The following DLEU7 variants were observed in gnomAD, a reference collection of about 807,000 sequenced individuals.
DLEU7 encodes the protein leukemia-associated protein 7.
A neutral mutation model predicts 16.0 loss-of-function variants in DLEU7; 17 were observed. The ratio of observed to expected loss-of-function variants is 1.06; its 90% CI spans 0.73 to 1.59. The LOEUF is 1.59. DLEU7 is among the 40% of genes most tolerant of loss of function. The pLI is 0.00. For missense variants in DLEU7, 308 were observed against 314.9 expected, an observed-to-expected ratio of 0.98 and a Z score of 0.17; for synonymous variants, 113 against 139.8, an observed-to-expected ratio of 0.81 and a Z score of 1.35.
chr13:50,770,098 T>G (rs1243406655), intron 1 of DLEU7, among the ~76,000 whole-genome samples: 1 of 152,194 alleles, frequency 6.6e-6, no homozygotes, highest in African/African-American at 2.4e-5. Context: ...ATAGGAATGC[T>G]TGTGATTTTT....
At chr13:50,786,789 A>G (rs1875804383) in intron 1 of DLEU7, among the ~76,000 whole-genome samples, 2 of 152,212 alleles carry the variant, frequency 1.3e-5, no homozygotes, top group Admixed American at 1.3e-4. Context: ...GCATCTGAGG[A>G]GTAAGGATAT....
chr13:50,799,292 G>T (rs1876185774), intron 1 of DLEU7, among the ~76,000 whole-genome samples: 1 of 152,140 alleles, frequency 6.6e-6, no homozygotes, highest in Non-Finnish European at 1.5e-5. Flanking sequence ...TTAATGCATT[G>T]ATACAATCCT....
rs58395582 is a variant in DLEU7, at chr13:50,732,606, C to CAAAAAAAAAAAAAAAA, written c.460-19382_460-19367dup. Among the ~76,000 whole-genome samples, 9 of 65,932 alleles carry CAAAAAAAAAAAAAAAA rather than the reference C, an allele frequency of 1.4e-4. 1 individual carries two copies. The highest frequency in any genetic ancestry group is 2.1e-4 in the African/African-American group (3 of 14,082). The allele number at this position is 65,932 out of a possible 152,430, so 43.3% of individuals were successfully genotyped here. A position where few individuals can be genotyped will look rare whatever the true frequency, so the allele number is the denominator to read the frequency against. ...CAGGCAACAGTATGAGACTCCATCT[C>CAAAAAAAAAAAAAAAA]AAAAAAAAAAAAAAAAAAAAGCTTA... is the stretch of plus-strand genomic sequence containing the variant. On this transcript the variant is annotated intron_variant, in intron 1 of 1. Transcript: ENST00000400393.
chr13:50,750,527 G>A (rs1203347347), intron 1 of DLEU7, among the ~76,000 whole-genome samples: 4 of 152,166 alleles, frequency 2.6e-5, no homozygotes, highest in African/African-American at 9.7e-5. Context: ...GCTTTTGGCA[G>A]TATGGTCATT....
At chr13:50,744,771 A>G (rs568946322) in intron 1 of DLEU7, among the ~76,000 whole-genome samples, 3 of 152,348 alleles carry the variant, frequency 2.0e-5, no homozygotes, top group Non-Finnish European at 4.4e-5. Context: ...ACTTGAATAG[A>G]CATTTCTCCA....
chr13:50,732,357 T>TCCC (rs1402312087), intron 1 of DLEU7, among the ~76,000 whole-genome samples: 1 of 152,088 alleles, frequency 6.6e-6, no homozygotes, highest in African/African-American at 2.4e-5. Flanking sequence ...ACGCCTGTAA[T>TCCC]CCCAGCACTT....
intron 1 of DLEU7, among the ~76,000 whole-genome samples, chr13:50,747,374 C>G (rs61962352): frequency 6.2e-4 from 88 of 141,196 alleles, no homozygotes; most frequent in Middle Eastern, 3.8e-3. Context: ...GTGTGTGTGA[C>G]AGAGAGGGAG....
At chr13:50,733,289 C>G (rs571064548) in intron 1 of DLEU7, among the ~76,000 whole-genome samples, 11 of 152,274 alleles carry the variant, frequency 7.2e-5, no homozygotes, top group South Asian at 4.1e-4. Context: ...TTTTAACCAG[C>G]CTGAGAACCA....
At chr13:50,814,400 A>G (rs1876661217) in intron 1 of DLEU7, among the ~76,000 whole-genome samples, 1 of 152,176 alleles carries the variant, frequency 6.6e-6, no homozygotes, top group South Asian at 2.1e-4. Context: ...AGAGGAACTA[A>G]AGAGTCTAGT....
chr13:50,785,313 G>T (rs1487115290), intron 1 of DLEU7, among the ~76,000 whole-genome samples: 1 of 152,194 alleles, frequency 6.6e-6, no homozygotes, highest in Non-Finnish European at 1.5e-5. Flanking sequence ...GATTAAATCA[G>T]AAGATGTGAC....
chr13:50,814,524 C>A (rs535151169), intron 1 of DLEU7, among the ~76,000 whole-genome samples: 1 of 151,614 alleles, frequency 6.6e-6, no homozygotes, highest in South Asian at 2.1e-4. Flanking sequence ...TAGTTACAAT[C>A]CAATTGTAAG....
intron 1 of DLEU7, among the ~76,000 whole-genome samples, chr13:50,788,991 C>T (rs1051148198): frequency 6.6e-6 from 1 of 152,054 alleles, no homozygotes; most frequent in African/African-American, 2.4e-5. Flanking sequence ...GTTTATTTTC[C>T]CTCTGTATGG....
At chr13:50,843,760 G>A (rs1221710178), upstream of DLEU7, 3 of 1,372,192 alleles carry the variant, frequency 2.2e-6, no homozygotes, top group African/African-American at 3.1e-5. The surrounding 1 kb of genome is among the most constrained non-coding windows in gnomAD (Gnocchi z 5.7). Context: ...CTCGGCCTCT[G>A]GGTCTCACAG....
At chr13:50,741,672 G>C (rs1204195512) in intron 1 of DLEU7, among the ~76,000 whole-genome samples, 2 of 152,054 alleles carry the variant, frequency 1.3e-5, no homozygotes, top group African/African-American at 4.8e-5. Context: ...TCCTACCTTA[G>C]CTTTTTAATA....
At chr13:50,760,840 A>G (rs1194238829) in intron 1 of DLEU7, among the ~76,000 whole-genome samples, 1 of 152,120 alleles carries the variant, frequency 6.6e-6, no homozygotes, top group Non-Finnish European at 1.5e-5. Flanking sequence ...TAAGCCTGAA[A>G]TCTTGATGGC....
At chr13:50,725,687 GA>G in intron 1 of DLEU7, among the ~76,000 whole-genome samples, 1 of 152,300 alleles carries the variant, frequency 6.6e-6, no homozygotes. Flanking sequence ...GGGGGCATGG[GA>G]GGGGAAGGAG....
intron 1 of DLEU7, among the ~76,000 whole-genome samples, chr13:50,786,978 T>C (rs531027661): frequency 6.6e-6 from 1 of 152,276 alleles, no homozygotes; most frequent in Admixed American, 6.5e-5. Context: ...CCTTGGAACT[T>C]TAATCAAAGT....
chr13:50,774,957 A>G (rs549589593), intron 1 of DLEU7, among the ~76,000 whole-genome samples: 31 of 152,170 alleles, frequency 2.0e-4, no homozygotes, highest in African/African-American at 7.5e-4. Flanking sequence ...CGATTTACAT[A>G]TCATTTCTGA....
At position 50,843,415 on chromosome 13, in the gene DLEU7, G is replaced by T; in HGVS notation, c.232C>A (p.Arg78=). 1 of 1,317,528 alleles carries T rather than the reference G, an allele frequency of 7.6e-7. No homozygotes were observed. The highest frequency in any genetic ancestry group is 9.6e-7 in the Non-Finnish European group (1 of 1,037,898). The allele number at this position is 1,317,528 out of a possible 1,614,324, so 81.6% of individuals were successfully genotyped here. The change falls in exon 1 of 2, where the codon CGG becomes AGG. Residue 78 remains arginine (R), a synonymous_variant. Coordinates refer to ENST00000504404, the MANE Select transcript of DLEU7 (RefSeq NM_001306135.2). This position sits in a 1 kb window ranked among gnomAD's most constrained non-coding sequence, Gnocchi z 5.7. ...GGGGAGTTCGCCCGCGCCGCGGTCC[G>T]CCGACTCCTGGTCCCCACGCCCCCG... is the stretch of plus-strand genomic sequence containing the variant. ...RGGGVGTRSR[R]TAARANSPEE...
Sources: allele counts gnomAD v4.1 joint callset (sites outside exome capture counted in the v4.1 genomes callset), GRCh38; gene constraint gnomAD v4.1.1; non-coding constraint Gnocchi (gnomAD v3.1); transcripts MANE v1.5; gene names NCBI Gene and HGNC (gene_info 2026-07-23, HGNC 2026-07-21).